MAGI3: variants seen among roughly 807,000 people sequenced by gnomAD.
The protein encoded by MAGI3 is membrane associated guanylate kinase, WW and PDZ domain containing 3, also known as membrane-associated guanylate kinase, WW and PDZ domain-containing protein 3.
MAGI3 carries 43 observed loss-of-function variants against 121.8 expected under a neutral mutation model. The ratio of observed to expected loss-of-function variants is 0.35; its 90% CI spans 0.28 to 0.46. MAGI3 has a LOEUF of 0.46. Among genes scored for constraint, MAGI3 ranks in the 20% least tolerant of loss-of-function variants. The pLI is 1.00. For synonymous variants in MAGI3, 553 were observed against 639.3 expected, an observed-to-expected ratio of 0.86 and a Z score of 2.04; for missense variants, 1,547 against 1,797.3, an observed-to-expected ratio of 0.86 and a Z score of 2.52.
chr1:113,564,131 A>C lies in MAGI3; in HGVS notation c.433+14500A>C, dbSNP rs576487868. ...TTCTCTCTCTTCTCTGGATCTTGAT[A>C]CAGAATTAGTACTAGTAGCGCTCCC... On this transcript the variant is annotated intron_variant, in intron 2 of 20. Coordinates refer to ENST00000307546, the MANE Select transcript of MAGI3 (RefSeq NM_001142782.2). 2.6e-3 allele frequency among the ~76,000 whole-genome samples: 394 copies of C among 152,256 alleles called. 1 individual carries two copies. The highest frequency in any genetic ancestry group is 8.2e-3 in the African/African-American group (341 of 41,546).
intron 1 of MAGI3, among the ~76,000 whole-genome samples, chr1:113,413,877 T>A (rs924376501): frequency 3.9e-5 from 6 of 152,288 alleles, no homozygotes; most frequent in Middle Eastern, 3.4e-3. Flanking sequence ...TATTTCTTTC[T>A]CTTGCCTGAT....
intron 1 of MAGI3, among the ~76,000 whole-genome samples, chr1:113,454,416 C>T (rs778726181): frequency 1.3e-5 from 2 of 152,068 alleles, no homozygotes; most frequent in Admixed American, 1.3e-4. Flanking sequence ...TGTGTGACCT[C>T]GGGCAAATTA....
At chr1:113,580,332 CTG>C (rs3052621) in intron 2 of MAGI3, among the ~76,000 whole-genome samples, 110,799 of 151,754 alleles carry the variant, frequency 0.73, 40,961 homozygotes, top group Non-Finnish European at 0.77. Flanking sequence ...TAAAATAAGT[CTG>C]TCTTTCACCA....
intron 2 of MAGI3, among the ~76,000 whole-genome samples, chr1:113,560,916 A>C (rs1291600192): frequency 1.3e-5 from 2 of 152,230 alleles, no homozygotes; most frequent in African/African-American, 4.8e-5. Context: ...ACACAATCAG[A>C]AATGATAAGG....
chr1:113,528,599 G>A (rs1035079593), intron 1 of MAGI3, among the ~76,000 whole-genome samples: 5 of 152,060 alleles, frequency 3.3e-5, no homozygotes, highest in African/African-American at 7.2e-5. Context: ...CAGGAAATTG[G>A]TGGGAATAAT....
chr1:113,417,710 A>G (rs1013369450), intron 1 of MAGI3, among the ~76,000 whole-genome samples: 1 of 151,952 alleles, frequency 6.6e-6, no homozygotes. Context: ...TCCCTCATTC[A>G]TAGCATTTAT....
At chr1:113,492,519 G>A (rs932224580) in intron 1 of MAGI3, among the ~76,000 whole-genome samples, 28 of 151,966 alleles carry the variant, frequency 1.8e-4, no homozygotes, top group African/African-American at 6.5e-4. Flanking sequence ...AATACCACTC[G>A]TTTTCAACAT....
chr1:113,546,878 C>A (rs947598012), intron 1 of MAGI3, among the ~76,000 whole-genome samples: 6 of 151,404 alleles, frequency 4.0e-5, no homozygotes, highest in Non-Finnish European at 7.4e-5. Context: ...GTCAGGAGAT[C>A]GAGGCCAACC....
intron 16 of MAGI3, among the ~76,000 whole-genome samples, chr1:113,659,500 G>T (rs977910471): frequency 1.3e-5 from 2 of 152,180 alleles, no homozygotes; most frequent in African/African-American, 4.8e-5. Flanking sequence ...GTTTATTTAT[G>T]TGCTAGAGAA....
chr1:113,584,008 A>G (rs1273025820), intron 3 of MAGI3, among the ~76,000 whole-genome samples: 1 of 152,216 alleles, frequency 6.6e-6, no homozygotes, highest in Non-Finnish European at 1.5e-5. Flanking sequence ...AAGGTAAACT[A>G]TGTAATGTCT....
intron 16 of MAGI3, among the ~76,000 whole-genome samples, chr1:113,662,379 T>C (rs1160757227): frequency 2.0e-5 from 3 of 152,230 alleles, no homozygotes; most frequent in Non-Finnish European, 2.9e-5. Flanking sequence ...CATGGTATCT[T>C]GTTTTTAAAT....
chr1:113,604,645 A>G (rs1374981216), intron 6 of MAGI3, among the ~76,000 whole-genome samples: 1 of 151,172 alleles, frequency 6.6e-6, no homozygotes, highest in Non-Finnish European at 1.5e-5. Context: ...CTACCCAGCC[A>G]TGAAAAAGAA....
chr1:113,646,017 A>T (rs1447359363), intron 11 of MAGI3, among the ~76,000 whole-genome samples: 1 of 152,144 alleles, frequency 6.6e-6, no homozygotes, highest in Non-Finnish European at 1.5e-5. Context: ...ATTAGAGTTA[A>T]CCTCTCCTGT....
chr1:113,453,560 A>C (rs1205325715), intron 1 of MAGI3, among the ~76,000 whole-genome samples: 1 of 152,210 alleles, frequency 6.6e-6, no homozygotes, highest in Non-Finnish European at 1.5e-5. Context: ...GAATGAACAT[A>C]ACTTGGTAAA....
intron 2 of MAGI3, among the ~76,000 whole-genome samples, chr1:113,569,073 A>G (rs1416000443): frequency 1.3e-5 from 2 of 152,172 alleles, no homozygotes; most frequent in African/African-American, 4.8e-5. Context: ...TGATTGGCAC[A>G]TATGTAGAAA....
chr1:113,534,846 C>G (rs1468579639), intron 1 of MAGI3, among the ~76,000 whole-genome samples: 3 of 151,888 alleles, frequency 2.0e-5, no homozygotes, highest in African/African-American at 4.8e-5. Context: ...TGGAATCAGA[C>G]TGTTTAATTG....
chr1:113,403,049 G>A (rs530772439), intron 1 of MAGI3, among the ~76,000 whole-genome samples: 7 of 152,242 alleles, frequency 4.6e-5, no homozygotes, highest in African/African-American at 1.7e-4. Flanking sequence ...TCAGGGTTCA[G>A]TGCAGGAAAC....
intron 6 of MAGI3, among the ~76,000 whole-genome samples, chr1:113,601,569 A>G (rs1649383064): frequency 6.7e-6 from 1 of 149,382 alleles, no homozygotes; most frequent in African/African-American, 2.5e-5. Flanking sequence ...AAGTCAGGAA[A>G]CAACAGGTGC....
intron 7 of MAGI3, among the ~76,000 whole-genome samples, chr1:113,615,122 CTT>C (rs1650377252): frequency 6.6e-6 from 1 of 152,106 alleles, no homozygotes; most frequent in African/African-American, 2.4e-5. Context: ...TCAAGGAAAA[CTT>C]AGTATTCTTT....
Sources: gnomAD v4.1 joint callset for allele counts (sites outside exome capture counted in the v4.1 genomes callset) on GRCh38, gnomAD v4.1.1 for gene constraint, MANE v1.5 for transcripts, NCBI Gene and HGNC (gene_info 2026-07-23, HGNC 2026-07-21) for gene names.